LRRC37B: variants seen among roughly 807,000 people sequenced by gnomAD.
LRRC37B encodes leucine rich repeat containing 37B.
A neutral mutation model predicts 98.3 loss-of-function variants in LRRC37B; 28 were observed. The ratio of observed to expected loss-of-function variants is 0.28; its 90% CI spans 0.21 to 0.39. The LOEUF is 0.39. Ranked by LOEUF, LRRC37B falls within the 10% of genes least tolerant of loss-of-function variation. The probability of loss-of-function intolerance (pLI) is 1.00; values close to 1 mark genes in which losing one functional copy is unlikely to be tolerated. For missense variants in LRRC37B, 938 were observed against 1,182.7 expected, an observed-to-expected ratio of 0.79 and a Z score of 3.03; for synonymous variants, 364 against 442.7, an observed-to-expected ratio of 0.82 and a Z score of 2.23.
intron 3 of LRRC37B, chr17:32,029,079 A>C (rs55982948): frequency 4.0e-5 from 6 of 151,554 alleles, no homozygotes; most frequent in South Asian, 2.1e-4. Context: ...TCGGCTCACC[A>C]CAAGCTCTGC....
upstream of LRRC37B, among the ~76,000 whole-genome samples, chr17:32,007,523 A>C: frequency 6.6e-6 from 1 of 150,808 alleles, no homozygotes. This position sits in a 1 kb window ranked among gnomAD's most constrained non-coding sequence, Gnocchi z 4.1. Flanking sequence ...GGGCCTCCCA[A>C]CCCGGCCCCG....
At chr17:32,051,684 G>C (rs1187983251) in intron 11 of LRRC37B, 1 of 152,114 alleles carries the variant, frequency 6.6e-6, no homozygotes, top group Non-Finnish European at 1.5e-5. Context: ...CTGGGCAACA[G>C]AGCGAGACCT....
chr17:32,035,078 T>C, intron 6 of LRRC37B, 97 bp downstream of exon 9: 1 of 909,700 alleles, frequency 1.1e-6, no homozygotes, highest in South Asian at 1.7e-5. Flanking sequence ...TAAAAAGTCA[T>C]AATTTAAATT....
chr17:32,035,965 G>T (rs904519003), intron 7 of LRRC37B: 1 of 247,272 alleles, frequency 4.0e-6, no homozygotes, highest in Admixed American at 5.4e-5. Flanking sequence ...AAATCATGTA[G>T]CATGTAGCCT....
chr17:32,048,008 G>A (rs1392327527), intron 9 of LRRC37B, 107 bp downstream of exon 12: 118 of 1,584,406 alleles, frequency 7.4e-5, no homozygotes, highest in Middle Eastern at 1.7e-4. Flanking sequence ...TATTGTTACC[G>A]TTCACTGAAC....
intron 1 of LRRC37B, among the ~76,000 whole-genome samples, chr17:32,012,527 G>T (rs1485504392): frequency 1.3e-5 from 2 of 151,666 alleles, no homozygotes; most frequent in East Asian, 3.9e-4. Context: ...GACCAGACCG[G>T]CCAACATGGC....
chr17:32,052,440 T>G (rs2627114), intron 11 of LRRC37B: 3 of 152,094 alleles, frequency 2.0e-5, no homozygotes, highest in African/African-American at 4.8e-5. Context: ...CTTTTAAGAG[T>G]TTTTTATTAG....
intron 5 of LRRC37B, among the ~76,000 whole-genome samples, chr17:32,033,820 A>G (rs1365837499): frequency 6.6e-6 from 1 of 152,242 alleles, no homozygotes; most frequent in East Asian, 1.9e-4. Context: ...TTTTGGAATA[A>G]AAATTCACAT....
rs1048134574 is a variant in LRRC37B, at chr17:32,035,696, A to G, written c.2204+57A>G. The G allele has an allele frequency of 1.7e-5, 26 of 1,495,794 alleles. No individual in the cohort carries two copies. In the Admixed American group the frequency reaches 4.6e-4, roughly 27 times the overall value. 92.7% of individuals were successfully genotyped at this position (1,495,794 alleles called of 1,614,324 possible). ...TTAGTTGGTTTTTTAGGTTTGTTTT[A>G]TTATTTTCTTAAGTCAGGTTTATTG... On this transcript the variant is annotated intron_variant, in intron 7 of 11. Coordinates refer to ENST00000327564, the Ensembl canonical transcript of LRRC37B.
At chr17:32,012,709 C>T (rs775459611) in intron 1 of LRRC37B, among the ~76,000 whole-genome samples, 4 of 148,030 alleles carry the variant, frequency 2.7e-5, no homozygotes, top group Non-Finnish European at 6.0e-5. Context: ...GAGCAAGACT[C>T]CATCTCAAAT....
At chr17:32,040,687 A>C in intron 7 of LRRC37B, 1 of 780,074 alleles carries the variant, frequency 1.3e-6, no homozygotes, top group Non-Finnish European at 2.4e-6. Context: ...GGCTACCCGC[A>C]GTTGGAGGGG....
intron 11 of LRRC37B, chr17:32,052,223 T>C (rs938715868): frequency 1.3e-5 from 2 of 151,588 alleles, no homozygotes; most frequent in African/African-American, 4.9e-5. Flanking sequence ...GGCCTTGTTG[T>C]CACCCAGACT....
Position 32,021,123 on chromosome 17 carries a change from G to T in LRRC37B, c.58G>T (p.Glu20Ter). 1 of 1,614,134 alleles carries T rather than the reference G, an allele frequency of 6.2e-7. No individual in the cohort carries two copies. Among genetic ancestry groups the T allele is most frequent in the Non-Finnish European group, 8.5e-7 (1 of 1,180,032 alleles). Residue 20 changes from glutamate to a stop codon, truncating the protein, a stop_gained, in exon 1 of 12, where the codon GAG (glutamate) becomes TAG (stop). Transcript: ENST00000327564. LOFTEE classifies it high-confidence loss of function. The stretch of plus-strand genomic sequence containing the variant: ...CAGGGCTGCCAGAATGGCTTTTGCT[G>T]AGTGCATAGCACCAGCGTGTGTCAT...
chr17:32,021,887 G>A (rs1183647799), exon 1 of LRRC37B: 2 of 1,614,156 alleles, frequency 1.2e-6, no homozygotes, highest in Non-Finnish European at 1.7e-6. Flanking sequence ...ACGCAGATGA[G>A]CCTCCAGGGC....
rs1910984235 is a variant in LRRC37B, at chr17:32,027,336, C to CGTGTGTGCTTGCTTGTGT, written c.1833-421_1833-404dup. On this transcript the variant is annotated intron_variant, in intron 2 of 11. Transcript: ENST00000327564. ...GTGTGCTTGTGTGTGTGTGCTTGCA[C>CGTGTGTGCTTGCTTGTGT]GTGTGTGCTTGCTTGTGTGTGTGTG... is the stretch of plus-strand genomic sequence containing the variant. Among the ~76,000 whole-genome samples the CGTGTGTGCTTGCTTGTGT allele has an allele frequency of 3.4e-5, 5 of 148,036 alleles. No individual in the cohort carries two copies. In the South Asian group the frequency reaches 1.1e-3, roughly 32 times the overall value.
chr17:32,008,020 C>G (rs764049623), exon 1 of LRRC37B: 2 of 518,614 alleles, frequency 3.9e-6, no homozygotes, highest in Non-Finnish European at 3.7e-6. Context: ...CTGAGGACAA[C>G]TAGGAGGATG....
intron 1 of LRRC37B, among the ~76,000 whole-genome samples, chr17:32,013,264 C>T (rs545309540): frequency 6.6e-6 from 1 of 152,154 alleles, no homozygotes; most frequent in South Asian, 2.1e-4. Context: ...CTCAGCCTCC[C>T]AAAATGCTGG....
At chr17:32,044,304 A>T (rs1328530303) in intron 7 of LRRC37B, among the ~76,000 whole-genome samples, 3 of 152,250 alleles carry the variant, frequency 2.0e-5, no homozygotes, top group Admixed American at 1.3e-4. Flanking sequence ...TACAGAATCC[A>T]GTCAAAGATC....
intron 1 of LRRC37B, 31 bp downstream of exon 1, chr17:32,008,163 A>C: frequency 1.1e-5 from 3 of 276,600 alleles, no homozygotes; most frequent in Non-Finnish European, 1.5e-5. Context: ...CTGCAGACTC[A>C]TTCCCCACCT....
Sources: gnomAD v4.1 joint callset for allele counts (sites outside exome capture counted in the v4.1 genomes callset) on GRCh38, gnomAD v4.1.1 for gene constraint, Gnocchi (gnomAD v3.1) non-coding constraint, MANE v1.5 for transcripts, NCBI Gene and HGNC (gene_info 2026-07-23, HGNC 2026-07-21) for gene names.